The following PDE7B variants were observed in gnomAD, a reference collection of about 807,000 sequenced individuals.
PDE7B encodes the protein phosphodiesterase 7B, also known as 3',5'-cyclic-AMP phosphodiesterase 7B.
A neutral mutation model predicts 56.2 loss-of-function variants in PDE7B; 29 were observed. That is an observed-to-expected ratio of 0.52 (90% confidence interval 0.38 to 0.70). The LOEUF is 0.70. Among genes scored for constraint, PDE7B ranks in the 30% least tolerant of loss-of-function variants. The probability of loss-of-function intolerance (pLI) is 0.00; values close to 1 mark genes in which losing one functional copy is unlikely to be tolerated. For synonymous variants in PDE7B, 197 were observed against 196.9 expected (o/e 1.00, Z 0.00); for missense variants, 490 against 565.0 (o/e 0.87, Z 1.35).
At chr6:136,000,485 A>G (rs958554717) in intron 2 of PDE7B, among the ~76,000 whole-genome samples, 2 of 152,324 alleles carry the variant, frequency 1.3e-5, no homozygotes, top group South Asian at 2.1e-4. Context: ...CAGCTATCCC[A>G]GCACCATTTA....
In PDE7B at chr6:135,911,012, T is replaced by C. The variant is rs571364533; in HGVS notation, c.22-36452T>C. Among the ~76,000 whole-genome samples, 8 of 152,328 alleles carry C rather than the reference T, an allele frequency of 5.3e-5. No individual in the cohort carries two copies. In the South Asian group the frequency reaches 1.7e-3, roughly 32 times the overall value. ...GATTGGTGGGGCAGTAATTATGCAG[T>C]TGATAACACAAGGCTCTACCCTGTG... On this transcript the variant is annotated intron_variant, in intron 1 of 12. Coordinates refer to ENST00000308191, the MANE Select transcript of PDE7B (RefSeq NM_018945.4).
At chr6:136,019,085 G>A (rs1214701436) in intron 2 of PDE7B, among the ~76,000 whole-genome samples, 1 of 151,910 alleles carries the variant, frequency 6.6e-6, no homozygotes, top group Non-Finnish European at 1.5e-5. Context: ...TTACTAAGTG[G>A]CTTATTTAAC....
chr6:136,182,448 T>C (rs1275296540), intron 11 of PDE7B, among the ~76,000 whole-genome samples: 3 of 152,196 alleles, frequency 2.0e-5, no homozygotes. Context: ...CAATATTTTC[T>C]TTACTGTTTG....
chr6:135,973,499 G>A (rs1775129990), intron 2 of PDE7B, among the ~76,000 whole-genome samples: 1 of 152,100 alleles, frequency 6.6e-6, no homozygotes, highest in South Asian at 2.1e-4. Flanking sequence ...TAGTAATGGG[G>A]TTGCAGGATA....
At chr6:136,050,214 T>A (rs952434056) in intron 2 of PDE7B, among the ~76,000 whole-genome samples, 5 of 152,236 alleles carry the variant, frequency 3.3e-5, no homozygotes, top group African/African-American at 1.2e-4. Context: ...TGGCACTATA[T>A]AAGTGTGTAG....
At chr6:135,922,944 T>C (rs1385526111) in intron 1 of PDE7B, among the ~76,000 whole-genome samples, 2 of 152,162 alleles carry the variant, frequency 1.3e-5, no homozygotes, top group Non-Finnish European at 2.9e-5. Context: ...CTGTGTTCTA[T>C]CTTTCTGATT....
intron 2 of PDE7B, among the ~76,000 whole-genome samples, chr6:136,023,269 C>T (rs1776102333): frequency 6.6e-6 from 1 of 152,188 alleles, no homozygotes; most frequent in Admixed American, 6.5e-5. Context: ...GGCCCAGGCT[C>T]ATCTCTTAGT....
intron 1 of PDE7B, among the ~76,000 whole-genome samples, chr6:135,883,811 T>C (rs1192360900): frequency 6.6e-6 from 1 of 152,188 alleles, no homozygotes; most frequent in Non-Finnish European, 1.5e-5. Context: ...GCCGAAGCTC[T>C]TTCCTGCTGG....
At chr6:135,881,633 G>T (rs1041462589) in intron 1 of PDE7B, among the ~76,000 whole-genome samples, 1 of 152,152 alleles carries the variant, frequency 6.6e-6, no homozygotes. Context: ...TAAGCCTGAA[G>T]ACTTAAGGGA....
At chr6:136,167,213 T>C (rs1001455325) in intron 8 of PDE7B, among the ~76,000 whole-genome samples, 3 of 152,164 alleles carry the variant, frequency 2.0e-5, no homozygotes, top group Non-Finnish European at 2.9e-5. Context: ...TCTCCATGCA[T>C]TTACTATCTT....
chr6:135,865,248 C>T (rs1318401185), intron 1 of PDE7B, among the ~76,000 whole-genome samples: 1 of 152,100 alleles, frequency 6.6e-6, no homozygotes, highest in Non-Finnish European at 1.5e-5. Context: ...AATGTTCCTA[C>T]TCCCATTACT....
chr6:136,185,356 G>A (rs1051892897), intron 11 of PDE7B, among the ~76,000 whole-genome samples: 3 of 152,112 alleles, frequency 2.0e-5, no homozygotes, highest in African/African-American at 7.2e-5. Context: ...TTTACTAGTG[G>A]TGTGACCTAC....
chr6:136,129,465 G>A (rs932199387), intron 3 of PDE7B, among the ~76,000 whole-genome samples: 4 of 152,168 alleles, frequency 2.6e-5, no homozygotes, highest in Non-Finnish European at 4.4e-5. Context: ...AGTCCCAGGA[G>A]AGGGCAGAGA....
chr6:135,869,244 C>T (rs1338167171), intron 1 of PDE7B, among the ~76,000 whole-genome samples: 1 of 152,090 alleles, frequency 6.6e-6, no homozygotes, highest in Non-Finnish European at 1.5e-5. Flanking sequence ...ATGTGACAAA[C>T]TATTAATCAG....
At chr6:135,910,189 A>G (rs1355746731) in intron 1 of PDE7B, among the ~76,000 whole-genome samples, 1 of 152,170 alleles carries the variant, frequency 6.6e-6, no homozygotes, top group Non-Finnish European at 1.5e-5. Flanking sequence ...GGAGGGTGTG[A>G]AACTCAAAGA....
chr6:136,173,275 A>T (rs1313900314), intron 8 of PDE7B, among the ~76,000 whole-genome samples: 3 of 152,190 alleles, frequency 2.0e-5, no homozygotes, highest in Admixed American at 6.5e-5. Context: ...ACAGTAACCA[A>T]AACAGCATGG....
chr6:135,883,237 G>A (rs1018348104), intron 1 of PDE7B, among the ~76,000 whole-genome samples: 7 of 152,062 alleles, frequency 4.6e-5, no homozygotes, highest in African/African-American at 1.2e-4. Context: ...TTAAACATGC[G>A]GCTCAATTGG....
intron 2 of PDE7B, among the ~76,000 whole-genome samples, chr6:135,950,298 T>C (rs575032761): frequency 2.0e-5 from 3 of 152,266 alleles, no homozygotes; most frequent in Admixed American, 6.5e-5. Flanking sequence ...AAGGTATTAA[T>C]TAGTTTGTTG....
chr6:136,028,604 C>T (rs1448278893), intron 2 of PDE7B, among the ~76,000 whole-genome samples: 4 of 152,124 alleles, frequency 2.6e-5, no homozygotes, highest in Non-Finnish European at 4.4e-5. Flanking sequence ...TTGAGAGCCT[C>T]CTCCCATTCC....
Sources: gnomAD v4.1 joint callset for allele counts (sites outside exome capture counted in the v4.1 genomes callset) on GRCh38, gnomAD v4.1.1 for gene constraint, MANE v1.5 for transcripts, NCBI Gene and HGNC (gene_info 2026-07-23, HGNC 2026-07-21) for gene names.